ST6GALNAC3: variants seen among roughly 807,000 people sequenced by gnomAD.
ST6GALNAC3 encodes the protein ST6 N-acetylgalactosaminide alpha-2,6-sialyltransferase 3.
Under a neutral mutation model 32.7 loss-of-function variants are expected in ST6GALNAC3, and 25 were observed. The observed-to-expected ratio is 0.76, with a 90% CI of 0.56 to 1.07. ST6GALNAC3 has a LOEUF of 1.07. Among genes scored for constraint, ST6GALNAC3 ranks in the 50% least tolerant of loss-of-function variants. The probability of loss-of-function intolerance (pLI) is 0.00; values close to 1 mark genes in which losing one functional copy is unlikely to be tolerated. For synonymous variants in ST6GALNAC3, 129 were observed against 133.1 expected, an observed-to-expected ratio of 0.97 and a Z score of 0.21; for missense variants, 355 against 382.4, an observed-to-expected ratio of 0.93 and a Z score of 0.60.
chr1:76,151,068 T>G (rs1276907844), intron 1 of ST6GALNAC3, among the ~76,000 whole-genome samples: 1 of 152,178 alleles, frequency 6.6e-6, no homozygotes. Context: ...TGGGCCCCTT[T>G]CCAAGAGTGA....
At chr1:76,409,619 G>T (rs1003694550) in intron 2 of ST6GALNAC3, among the ~76,000 whole-genome samples, 12 of 152,028 alleles carry the variant, frequency 7.9e-5, no homozygotes, top group Admixed American at 5.9e-4. Flanking sequence ...GGAATCTTGT[G>T]CAGGCATAAA....
chr1:76,156,210 G>GATTTAACGTTGTAGATGT (rs1553160454), intron 1 of ST6GALNAC3, among the ~76,000 whole-genome samples: 3 of 152,244 alleles, frequency 2.0e-5, no homozygotes, highest in Admixed American at 1.3e-4. Flanking sequence ...TTATTAACAT[G>GATTTAACGTTGTAGATGT]ATTTAACGTT....
chr1:76,339,878 C>A (rs567713761), intron 2 of ST6GALNAC3, among the ~76,000 whole-genome samples: 1 of 152,212 alleles, frequency 6.6e-6, no homozygotes, highest in Non-Finnish European at 1.5e-5. Flanking sequence ...TCTTACAAAT[C>A]ATTCAGAGCA....
chr1:76,341,248 AT>A (rs1483009853), intron 2 of ST6GALNAC3, among the ~76,000 whole-genome samples: 2 of 151,610 alleles, frequency 1.3e-5, no homozygotes, highest in Admixed American at 1.3e-4. Flanking sequence ...TAATGTCCCC[AT>A]CTTTGTGTGT....
At position 76,202,267 on chromosome 1, in the gene ST6GALNAC3, C is replaced by CGTGTGTGTGTGTGTGT. The variant is rs1009699009; in HGVS notation, c.19-111538_19-111537insGTGTGTGTGTGTGTGT. On this transcript the variant is annotated intron_variant, in intron 1 of 4. Transcript: ENST00000328299. ...TGTGGGTGGAGAGTGTGTGTGCATGCATGTGTGTGTGTGTGTGTGTGTGTG... is the reference window on the plus strand; with the variant it reads ...TGTGGGTGGAGAGTGTGTGTGCATGCGTGTGTGTGTGTGTGTATGTGTGTGTGTGTGTGTGTGTGTG... Among the ~76,000 whole-genome samples the CGTGTGTGTGTGTGTGT allele has an allele frequency of 5.2e-5, 5 of 96,880 alleles. No individual in the cohort carries two copies. The East Asian group carries it at 1.7e-3, about 32-fold the overall frequency. 63.6% of individuals were successfully genotyped at this position (96,880 alleles called of 152,430 possible).
At chr1:76,263,009 G>T (rs576127573) in intron 1 of ST6GALNAC3, among the ~76,000 whole-genome samples, 1 of 152,276 alleles carries the variant, frequency 6.6e-6, no homozygotes, top group East Asian at 1.9e-4. Flanking sequence ...CCTCAGGTAA[G>T]GGCTCTCAGG....
At chr1:76,384,444 T>C (rs1651945250) in intron 2 of ST6GALNAC3, among the ~76,000 whole-genome samples, 1 of 152,090 alleles carries the variant, frequency 6.6e-6, no homozygotes, top group South Asian at 2.1e-4. Flanking sequence ...TAGTTGGTGG[T>C]TTTAATACCC....
intron 3 of ST6GALNAC3, among the ~76,000 whole-genome samples, chr1:76,456,666 A>C (rs556607555): frequency 6.6e-6 from 1 of 152,248 alleles, no homozygotes; most frequent in Non-Finnish European, 1.5e-5. Context: ...TTCATGCTAA[A>C]AACTCTCAAT....
At chr1:76,565,600 A>G (rs1280599274) in intron 3 of ST6GALNAC3, among the ~76,000 whole-genome samples, 3 of 152,156 alleles carry the variant, frequency 2.0e-5, no homozygotes, top group Admixed American at 1.3e-4. Flanking sequence ...CATTATAGAA[A>G]AAGCACAGAT....
chr1:76,241,034 T>C (rs1032274911), intron 1 of ST6GALNAC3, among the ~76,000 whole-genome samples: 1 of 152,220 alleles, frequency 6.6e-6, no homozygotes, highest in Non-Finnish European at 1.5e-5. Context: ...TGTGACTTAG[T>C]TGAGCTATTT....
chr1:76,451,391 GACTT>G (rs1657391790), intron 3 of ST6GALNAC3, among the ~76,000 whole-genome samples: 1 of 152,070 alleles, frequency 6.6e-6, no homozygotes, highest in South Asian at 2.1e-4. Flanking sequence ...TTTCTCATGA[GACTT>G]ACTCACTAAC....
intron 3 of ST6GALNAC3, among the ~76,000 whole-genome samples, chr1:76,603,043 A>T (rs764318649): frequency 2.6e-5 from 4 of 152,236 alleles, no homozygotes; most frequent in Non-Finnish European, 5.9e-5. Context: ...ATATCACTTT[A>T]CACTCACCAG....
chr1:76,621,017 G>A (rs1270395865), intron 3 of ST6GALNAC3, among the ~76,000 whole-genome samples: 1 of 151,970 alleles, frequency 6.6e-6, no homozygotes, highest in African/African-American at 2.4e-5. Flanking sequence ...TTTCTAAGTG[G>A]TATCTTCTAT....
At chr1:76,454,100 C>T (rs1374894026) in intron 3 of ST6GALNAC3, among the ~76,000 whole-genome samples, 1 of 151,954 alleles carries the variant, frequency 6.6e-6, no homozygotes, top group Non-Finnish European at 1.5e-5. Flanking sequence ...AGTAGCTGTT[C>T]CTGCTTGCTT....
At chr1:76,102,304 C>T (rs941894703) in intron 1 of ST6GALNAC3, among the ~76,000 whole-genome samples, 2 of 151,136 alleles carry the variant, frequency 1.3e-5, no homozygotes, top group Non-Finnish European at 3.0e-5. Flanking sequence ...ATTTCTATAG[C>T]ATTATTTTTA....
At chr1:76,310,552 C>G (rs1386310133) in intron 1 of ST6GALNAC3, among the ~76,000 whole-genome samples, 1 of 152,068 alleles carries the variant, frequency 6.6e-6, no homozygotes, top group Non-Finnish European at 1.5e-5. Context: ...ATCGCTGACT[C>G]CTGGGGGCTG....
chr1:76,104,610 CTT>C (rs11430411), intron 1 of ST6GALNAC3, among the ~76,000 whole-genome samples: 17 of 134,410 alleles, frequency 1.3e-4, no homozygotes, highest in Non-Finnish European at 1.8e-4. Context: ...TGGCCTGACG[CTT>C]TTTTTTTTTT....
chr1:76,584,203 G>C (rs1352815494), intron 3 of ST6GALNAC3, among the ~76,000 whole-genome samples: 2 of 152,210 alleles, frequency 1.3e-5, no homozygotes, highest in African/African-American at 4.8e-5. Flanking sequence ...GCTGGGATCA[G>C]TGGAGCAGTT....
At chr1:76,493,097 C>T (rs1000917146) in intron 3 of ST6GALNAC3, among the ~76,000 whole-genome samples, 11 of 151,786 alleles carry the variant, frequency 7.2e-5, no homozygotes, top group African/African-American at 2.4e-4. Flanking sequence ...TACTTCCCAC[C>T]ACATTCAATT....
Sources: allele counts gnomAD v4.1 joint callset (sites outside exome capture counted in the v4.1 genomes callset), GRCh38; gene constraint gnomAD v4.1.1; transcripts MANE v1.5; gene names NCBI Gene and HGNC (gene_info 2026-07-23, HGNC 2026-07-21).